The following FLOT2 variants were observed in gnomAD, a reference collection of about 807,000 sequenced individuals.
FLOT2 encodes flotillin-2.
Under a neutral mutation model 54.9 loss-of-function variants are expected in FLOT2, and 35 were observed. The ratio of observed to expected loss-of-function variants is 0.64; its 90% CI spans 0.49 to 0.84. The LOEUF (loss-of-function observed/expected upper bound fraction) is 0.84, where lower values mean the gene tolerates loss of function less well. Among genes scored for constraint, FLOT2 ranks in the 40% least tolerant of loss-of-function variants. FLOT2 has a pLI of 0.00. For missense variants in FLOT2, 464 were observed against 572.1 expected, an observed-to-expected ratio of 0.81 and a Z score of 1.93; for synonymous variants, 207 against 228.9, an observed-to-expected ratio of 0.90 and a Z score of 0.86.
At position 28,884,080 on chromosome 17, in the gene FLOT2, G is replaced by A; in HGVS notation, c.222+145C>T. The A allele has an allele frequency of 1.4e-6, 1 of 696,004 alleles. No individual in the cohort carries two copies. Among genetic ancestry groups the A allele is most frequent in the Non-Finnish European group, 2.6e-6 (1 of 389,994 alleles). 43.1% of individuals were successfully genotyped at this position (696,004 alleles called of 1,614,324 possible). On this transcript the variant is annotated intron_variant, in intron 3 of 10. Coordinates refer to ENST00000394908, the MANE Select transcript of FLOT2 (RefSeq NM_004475.3). This position sits in a 1 kb window ranked among gnomAD's most constrained non-coding sequence, Gnocchi z 5.1. ...GAGCATGTTCCAGTGGCGACGACCTGACTAGCCCTCTCTTGTGGGACTTGC... is the reference window on the plus strand; with the variant it reads ...GAGCATGTTCCAGTGGCGACGACCTAACTAGCCCTCTCTTGTGGGACTTGC...
chr17:28,883,760 G>A lies in FLOT2; in HGVS notation c.222+465C>T, dbSNP rs894822223. ...GCCCTGTGAAGCCAAGAGGTGGATC[G>A]GGGCAGGAAGCCCTCACCTAGGCCC... On this transcript the variant is annotated intron_variant, in intron 3 of 10. Coordinates refer to ENST00000394908, the MANE Select transcript of FLOT2 (RefSeq NM_004475.3). This position sits in a 1 kb window ranked among gnomAD's most constrained non-coding sequence, Gnocchi z 5.0. 7.2e-5 allele frequency among the ~76,000 whole-genome samples: 11 copies of A among 152,222 alleles called. No individual in the cohort carries two copies. Among genetic ancestry groups the A allele is most frequent in the East Asian group, 1.9e-4 (1 of 5,170 alleles).
At chr17:28,881,436 C>G in intron 8 of FLOT2, 61 bp from the exon 9 acceptor site, 1 of 1,545,796 alleles carries the variant, frequency 6.5e-7, no homozygotes, top group Non-Finnish European at 8.8e-7. Context: ...CAAGCCTTGC[C>G]TGGGGGCCAG....
intron 9 of FLOT2, 55 bp from the exon 10 acceptor site, chr17:28,880,917 C>G (rs572788698): frequency 5.0e-6 from 8 of 1,599,714 alleles, no homozygotes; most frequent in Non-Finnish European, 6.8e-6. Context: ...GTTCTCAGCC[C>G]GGTCCAGCAT....
In FLOT2 at chr17:28,897,534, AC is replaced by A. The variant is rs1201533299; in HGVS notation, c.40del (p.Val14TrpfsTer34). On this transcript the variant is annotated frameshift_variant, in exon 1 of 11. Transcript: ENST00000394908. LOFTEE classifies it high-confidence loss of function. The surrounding 1 kb of genome is among the most constrained non-coding windows in gnomAD (Gnocchi z 4.4). The stretch of plus-strand genomic sequence containing the variant: ...CCTCGCCGCCCCCTCACCTGAAACC[AC>A]CAGCGCCTCGTTGGGCCCCACCGTG... ...CHTVGPNEAL[V>X]VSGGCCGSDY... 6.2e-7 allele frequency: 1 copy of A among 1,605,656 alleles called. No homozygotes were observed.
Position 28,881,368 on chromosome 17 carries a change from G to C in FLOT2, c.922C>G (p.Gln308Glu), listed in dbSNP as rs1339193239. The C allele has an allele frequency of 5.0e-6, 8 of 1,611,274 alleles. No homozygotes were observed. The highest frequency in any genetic ancestry group is 3.3e-5 in the Admixed American group (2 of 60,032). The change falls in exon 9 of 11, where the codon CAG (glutamine) becomes GAG (glutamate). Residue 308 changes from glutamine (Q) to glutamate (E), a missense_variant. Physicochemically the swap from Gln to Glu is conservative, Grantham distance 29 (BLOSUM62 2). Coordinates refer to ENST00000394908, the MANE Select transcript of FLOT2 (RefSeq NM_004475.3). The stretch of plus-strand genomic sequence containing the variant: ...GCCTCTGCCTGTGCCAAGAGGACCT[G>C]CTTCACCCTGGGGGAGCCCAGGCCA... Reference protein sequence around the residue: ...QQIAEGEKVKQVLLAQAEAEK... With the variant: ...QQIAEGEKVKEVLLAQAEAEK...
In FLOT2 at chr17:28,880,219, G is replaced by C; in HGVS notation, c.*342C>G. The C allele has an allele frequency of 8.6e-7, 1 of 1,163,876 alleles. No homozygotes were observed. Among genetic ancestry groups the C allele is most frequent in the Non-Finnish European group, 1.1e-6 (1 of 937,452 alleles). 72.1% of individuals were successfully genotyped at this position (1,163,876 alleles called of 1,614,324 possible). A position where few individuals can be genotyped will look rare whatever the true frequency, so the allele number is the denominator to read the frequency against. On this transcript the variant is annotated 3_prime_UTR_variant, in exon 11 of 11. Transcript: ENST00000394908. ...GGCACCAGGATTCTGAGGAGCAGCAGGGCCACCCCCCACAGAGAGTGATTG... is the reference window on the plus strand; with the variant it reads ...GGCACCAGGATTCTGAGGAGCAGCACGGCCACCCCCCACAGAGAGTGATTG...
intron 2 of FLOT2, chr17:28,886,091 C>T (rs1259634154): frequency 6.0e-6 from 4 of 666,288 alleles, no homozygotes; most frequent in Non-Finnish European, 1.1e-5. Context: ...ATCCAACCCC[C>T]CAACTGCCAG....
At position 28,883,999 on chromosome 17, in the gene FLOT2, C is replaced by T. The variant is rs1051588616; in HGVS notation, c.222+226G>A. Among the ~76,000 whole-genome samples, 3 of 152,194 alleles carry T rather than the reference C, an allele frequency of 2.0e-5. No individual in the cohort carries two copies. The highest frequency in any genetic ancestry group is 1.3e-4 in the Admixed American group (2 of 15,280). ...GCACTGGTTCTGTCCCTCGTGGGCC[C>T]GCTGAGGAGAGAAGGGGTGTCTGTT... On this transcript the variant is annotated intron_variant, in intron 3 of 10. Coordinates refer to ENST00000394908, the MANE Select transcript of FLOT2 (RefSeq NM_004475.3). This position sits in a 1 kb window ranked among gnomAD's most constrained non-coding sequence, Gnocchi z 5.0.
chr17:28,881,059 G>A, intron 9 of FLOT2, 133 bp downstream of exon 9: 1 of 1,040,290 alleles, frequency 9.6e-7, no homozygotes, highest in Non-Finnish European at 1.4e-6. Context: ...CCCCTGCTGA[G>A]GATGCTCCTC....
chr17:28,879,692 G>A lies in FLOT2; in HGVS notation c.*869C>T. On this transcript the variant is annotated 3_prime_UTR_variant, in exon 11 of 11. Coordinates refer to ENST00000394908, the MANE Select transcript of FLOT2 (RefSeq NM_004475.3). Reference sequence around the variant, plus strand: ...TGGCACAGCCTTGTCCACCAGAAGGGCCCAACACCCAGGACAGTGCAGCCC... The same window carrying A: ...TGGCACAGCCTTGTCCACCAGAAGGACCCAACACCCAGGACAGTGCAGCCC... The A allele has an allele frequency of 1.0e-6, 1 of 986,116 alleles. No individual in the cohort carries two copies. Among genetic ancestry groups the A allele is most frequent in the Non-Finnish European group, 1.2e-6 (1 of 830,138 alleles). 61.1% of individuals were successfully genotyped at this position (986,116 alleles called of 1,614,324 possible).
At chr17:28,892,323 T>A (rs1255655129) in intron 1 of FLOT2, 1 of 53,754 alleles carries the variant, frequency 1.9e-5, no homozygotes, top group South Asian at 6.0e-4. Flanking sequence ...GATGTGGGAG[T>A]GGGGTGGGGG....
At chr17:28,887,291 C>T (rs2039565241) in intron 2 of FLOT2, among the ~76,000 whole-genome samples, 2 of 152,068 alleles carry the variant, frequency 1.3e-5, no homozygotes, top group South Asian at 4.1e-4. Flanking sequence ...CTACTCTGAC[C>T]CGAGAGGCTC....
chr17:28,880,032 G>A lies in FLOT2; in HGVS notation c.*529C>T. ...CAGGTCATGGCTGCCCAGACCTAGA[G>A]GGGCAGCAGCAGGTGAGGCTGTGGG... On this transcript the variant is annotated 3_prime_UTR_variant, in exon 11 of 11. Coordinates refer to ENST00000394908, the MANE Select transcript of FLOT2 (RefSeq NM_004475.3). The A allele has an allele frequency of 1.0e-6, 1 of 992,040 alleles. No individual in the cohort carries two copies. Among genetic ancestry groups the A allele is most frequent in the Non-Finnish European group, 1.2e-6 (1 of 834,320 alleles). The allele number at this position is 992,040 out of a possible 1,614,324, so 61.5% of individuals were successfully genotyped here. A position where few individuals can be genotyped will look rare whatever the true frequency, so the allele number is the denominator to read the frequency against.
At chr17:28,885,990 G>A (rs568598269) in intron 2 of FLOT2, 22 of 1,211,496 alleles carry the variant, frequency 1.8e-5, no homozygotes, top group Non-Finnish European at 2.6e-5. Context: ...GGACAGGAAG[G>A]GAAGGAGGGG....
At position 28,880,182 on chromosome 17, in the gene FLOT2, A is replaced by G; in HGVS notation, c.*379T>C. Reference sequence around the variant, plus strand: ...CCATAGGGAGGATGGACAGATGCACAGAGAACTTCAAGGCACCAGGATTCT... The same window carrying G: ...CCATAGGGAGGATGGACAGATGCACGGAGAACTTCAAGGCACCAGGATTCT... On this transcript the variant is annotated 3_prime_UTR_variant, in exon 11 of 11. Transcript: ENST00000394908. 2 of 1,114,500 alleles carry G rather than the reference A, an allele frequency of 1.8e-6. No homozygotes were observed. Among genetic ancestry groups the G allele is most frequent in the Non-Finnish European group, 2.2e-6 (2 of 906,958 alleles). 69.0% of individuals were successfully genotyped at this position (1,114,500 alleles called of 1,614,324 possible).
chr17:28,886,062 G>GGC (rs977620918), intron 2 of FLOT2: 8 of 619,176 alleles, frequency 1.3e-5, no homozygotes, highest in East Asian at 8.7e-5. Flanking sequence ...TGGGGGCGGG[G>GGC]GGGGGCATGC....
intron 1 of FLOT2, among the ~76,000 whole-genome samples, chr17:28,895,962 C>G (rs1329459363): frequency 2.0e-5 from 3 of 152,074 alleles, no homozygotes; most frequent in Non-Finnish European, 4.4e-5. Flanking sequence ...GGCAGTTGCT[C>G]TGCTCTCGCA....
At position 28,884,327 on chromosome 17, in the gene FLOT2, C is replaced by T. The variant is rs978138176; in HGVS notation, c.132-12G>A. ...TCTCTAGGGAAATCCTGCCAAGAAACGCAAAACAGGGGCATGGGTCTGGGG... is the reference window on the plus strand; with the variant it reads ...TCTCTAGGGAAATCCTGCCAAGAAATGCAAAACAGGGGCATGGGTCTGGGG... On this transcript the variant is annotated splice_polypyrimidine_tract_variant and intron_variant, in intron 2 of 10. Transcript: ENST00000394908. The surrounding 1 kb of genome is among the most constrained non-coding windows in gnomAD (Gnocchi z 5.1). 57 of 1,589,800 alleles carry T rather than the reference C, an allele frequency of 3.6e-5. No homozygotes were observed. Among genetic ancestry groups the T allele is most frequent in the African/African-American group, 1.2e-4 (9 of 74,508 alleles).
intron 2 of FLOT2, chr17:28,885,546 C>A: frequency 1.4e-6 from 1 of 715,840 alleles, no homozygotes; most frequent in South Asian, 1.5e-5. Flanking sequence ...AACACCCAAG[C>A]CCAAGAATAG....
Sources: gnomAD v4.1 joint callset for allele counts (sites outside exome capture counted in the v4.1 genomes callset) on GRCh38, gnomAD v4.1.1 for gene constraint, Gnocchi (gnomAD v3.1) non-coding constraint, MANE v1.5 for transcripts, NCBI Gene and HGNC (gene_info 2026-07-23, HGNC 2026-07-21) for gene names.